The following GRM1 variants were observed in gnomAD, a reference collection of about 807,000 sequenced individuals.
GRM1 encodes metabotropic glutamate receptor 1.
GRM1 carries 33 observed loss-of-function variants against 90.9 expected under a neutral mutation model. The observed-to-expected ratio is 0.36, with a 90% CI of 0.28 to 0.49. The LOEUF (loss-of-function observed/expected upper bound fraction) is 0.49, where lower values mean the gene tolerates loss of function less well. Ranked by LOEUF, GRM1 falls within the 20% of genes least tolerant of loss-of-function variation. The pLI is 0.99. For missense variants in GRM1, 1,190 were observed against 1,534.3 expected, an observed-to-expected ratio of 0.78 and a Z score of 3.75; for synonymous variants, 700 against 613.2, an observed-to-expected ratio of 1.14 and a Z score of -2.09.
intron 1 of GRM1, among the ~76,000 whole-genome samples, chr6:146,124,489 C>G (rs1490886133): frequency 6.6e-6 from 1 of 152,044 alleles, no homozygotes; most frequent in East Asian, 1.9e-4. Context: ...ACAATGATCA[C>G]TACAATACAT....
At chr6:146,116,961 G>T (rs1306095404) in intron 1 of GRM1, among the ~76,000 whole-genome samples, 1 of 151,592 alleles carries the variant, frequency 6.6e-6, no homozygotes, top group Non-Finnish European at 1.5e-5. Flanking sequence ...TTTCCAATGT[G>T]GTTTACTTGC....
chr6:146,210,908 G>A (rs1779667998), intron 2 of GRM1, among the ~76,000 whole-genome samples: 1 of 152,078 alleles, frequency 6.6e-6, no homozygotes, highest in Non-Finnish European at 1.5e-5. Flanking sequence ...TTCACAGCAG[G>A]AATGGGGAGA....
intron 1 of GRM1, among the ~76,000 whole-genome samples, chr6:146,117,666 T>C (rs886286030): frequency 2.6e-5 from 4 of 152,144 alleles, no homozygotes; most frequent in Admixed American, 2.0e-4. Context: ...GGTATTCTTT[T>C]ATTACAATTC....
chr6:146,221,084 C>T (rs1210050038), intron 2 of GRM1, among the ~76,000 whole-genome samples: 1 of 152,036 alleles, frequency 6.6e-6, no homozygotes, highest in East Asian at 1.9e-4. Context: ...GGCATTTACG[C>T]CAGCTCCACT....
intron 3 of GRM1, among the ~76,000 whole-genome samples, chr6:146,312,828 A>G (rs1783823235): frequency 6.6e-6 from 1 of 152,236 alleles, no homozygotes; most frequent in Admixed American, 6.5e-5. Context: ...GTATGAGCCA[A>G]CGCTGCCAGC....
chr6:146,115,047 C>T (rs1457580682), intron 1 of GRM1, among the ~76,000 whole-genome samples: 1 of 152,084 alleles, frequency 6.6e-6, no homozygotes, highest in Admixed American at 6.6e-5. Context: ...GGTCAAAAAT[C>T]TGATTGAGAC....
At chr6:146,223,230 C>T (rs1417445891) in intron 2 of GRM1, among the ~76,000 whole-genome samples, 1 of 152,082 alleles carries the variant, frequency 6.6e-6, no homozygotes, top group Non-Finnish European at 1.5e-5. Context: ...AATGAGCTTC[C>T]TGCACCTTTG....
chr6:146,323,059 C>A (rs552673943), intron 3 of GRM1, among the ~76,000 whole-genome samples: 5 of 152,090 alleles, frequency 3.3e-5, no homozygotes, highest in African/African-American at 1.2e-4. Flanking sequence ...CCGCTATAAA[C>A]GTACGTGTGC....
chr6:146,413,271 C>A (rs1280558103), intron 7 of GRM1, among the ~76,000 whole-genome samples: 1 of 152,020 alleles, frequency 6.6e-6, no homozygotes, highest in Non-Finnish European at 1.5e-5. Flanking sequence ...CCTTATAAAA[C>A]CCTTACTGAT....
chr6:146,397,026 A>G (rs1214432083), intron 6 of GRM1, among the ~76,000 whole-genome samples: 1 of 152,202 alleles, frequency 6.6e-6, no homozygotes, highest in Non-Finnish European at 1.5e-5. Context: ...ATGCTAGTAC[A>G]TGGGAAGGAC....
chr6:146,352,405 A>G lies in GRM1; in HGVS notation c.1342A>G (p.Ser448Gly), dbSNP rs748761155. 3.7e-6 allele frequency: 6 copies of G among 1,614,032 alleles called. No individual in the cohort carries two copies. In the African/African-American group the frequency reaches 6.7e-5, roughly 18 times the overall value. ...LCDAMKPIDG[S>G]KLLDFLIKSS... ...CGATGCCATGAAGCCCATCGACGGC[A>G]GCAAGCTGCTGGACTTCCTCATCAA... The change falls in exon 4 of 8, where the codon AGC becomes GGC. Residue 448 changes from serine (S) to glycine (G), a missense_variant. Around this residue, in one of 10 missense-constraint regions of GRM1, gnomAD observed 414 missense variants for 598.4 expected, o/e 0.69. Transcript: ENST00000282753.
At chr6:146,283,948 A>G (rs1179803481) in intron 2 of GRM1, among the ~76,000 whole-genome samples, 3 of 152,252 alleles carry the variant, frequency 2.0e-5, no homozygotes, top group African/African-American at 4.8e-5. Flanking sequence ...AAAAATTATA[A>G]GTACTTCCAA....
At chr6:146,179,400 G>A (rs1778457220) in intron 2 of GRM1, among the ~76,000 whole-genome samples, 1 of 152,210 alleles carries the variant, frequency 6.6e-6, no homozygotes, top group South Asian at 2.1e-4. Context: ...AGGGTCAATT[G>A]ATTGAACTTT....
Position 146,033,772 on chromosome 6 carries a change from T to C in GRM1, c.700+3555T>C, listed in dbSNP as rs1031473000. 4.6e-5 allele frequency among the ~76,000 whole-genome samples: 7 copies of C among 152,164 alleles called. No individual in the cohort carries two copies. In the South Asian group the frequency reaches 1.0e-3, roughly 23 times the overall value. Reference sequence around the variant, plus strand: ...TTCTTTCCAAAATCTGATTTTTTCCTTTTTAAGTACTTTTTTATTTGATAT... The same window carrying C: ...TTCTTTCCAAAATCTGATTTTTTCCCTTTTAAGTACTTTTTTATTTGATAT... On this transcript the variant is annotated intron_variant, in intron 1 of 7. Transcript: ENST00000282753.
In GRM1 at chr6:146,401,160, G is replaced by A. The variant is rs12523786; in HGVS notation, c.2660+1461G>A. On this transcript the variant is annotated intron_variant, in intron 7 of 7. Coordinates refer to ENST00000282753, the MANE Select transcript of GRM1 (RefSeq NM_001278064.2). ...TGAGGATCTAACAAGGGAGTCTTTG[G>A]GAAAACATATCTTTGAAATCCATTT... is the stretch of plus-strand genomic sequence containing the variant. 3.6e-4 allele frequency among the ~76,000 whole-genome samples: 55 copies of A among 152,088 alleles called. 1 individual carries two copies. In the South Asian group the frequency reaches 0.011, roughly 30 times the overall value.
chr6:146,304,401 C>T (rs1008789384), intron 2 of GRM1, among the ~76,000 whole-genome samples: 4 of 152,180 alleles, frequency 2.6e-5, no homozygotes, highest in Admixed American at 2.6e-4. Context: ...CTCATCATCA[C>T]TTTCACAATT....
Position 146,160,445 on chromosome 6 carries a change from T to C in GRM1, c.950+848T>C, listed in dbSNP as rs148381063. ...TTGTTTAATTTGCCAGCTTCTAATA[T>C]TGCATAAATAACCTGCTCAGTTTTC... On this transcript the variant is annotated intron_variant, in intron 2 of 7. Coordinates refer to ENST00000282753, the MANE Select transcript of GRM1 (RefSeq NM_001278064.2). 2.8e-3 allele frequency among the ~76,000 whole-genome samples: 424 copies of C among 152,318 alleles called. 3 individuals are homozygous for C. The highest frequency in any genetic ancestry group is 9.4e-3 in the African/African-American group (391 of 41,568).
At chr6:146,311,815 G>A (rs1562599861) in intron 3 of GRM1, among the ~76,000 whole-genome samples, 1 of 151,992 alleles carries the variant, frequency 6.6e-6, no homozygotes, top group Non-Finnish European at 1.5e-5. Context: ...TAGCATGATA[G>A]GTAACAATAC....
intron 2 of GRM1, among the ~76,000 whole-genome samples, chr6:146,178,852 A>G (rs1003376838): frequency 6.6e-6 from 1 of 152,180 alleles, no homozygotes; most frequent in Non-Finnish European, 1.5e-5. Flanking sequence ...CATTATGTAC[A>G]TCACCCACTG....
Sources: allele counts gnomAD v4.1 joint callset (sites outside exome capture counted in the v4.1 genomes callset), GRCh38; gene constraint gnomAD v4.1.1; regional missense constraint gnomAD v4.1.1; transcripts MANE v1.5; gene names NCBI Gene and HGNC (gene_info 2026-07-23, HGNC 2026-07-21).